The following CNTNAP5 variants were observed in gnomAD, a reference collection of about 807,000 sequenced individuals.
CNTNAP5 encodes contactin associated protein family member 5, also known as contactin-associated protein-like 5.
A neutral mutation model predicts 150.2 loss-of-function variants in CNTNAP5; 72 were observed. The ratio of observed to expected loss-of-function variants is 0.48; its 90% CI spans 0.40 to 0.58. The LOEUF is 0.58. Among genes scored for constraint, CNTNAP5 ranks in the 20% least tolerant of loss-of-function variants. The probability of loss-of-function intolerance (pLI) is 0.00; values close to 1 mark genes in which losing one functional copy is unlikely to be tolerated. For missense variants in CNTNAP5, 1,636 were observed against 1,626.2 expected, an observed-to-expected ratio of 1.01 and a Z score of -0.10; for synonymous variants, 672 against 619.8, an observed-to-expected ratio of 1.08 and a Z score of -1.25.
intron 3 of CNTNAP5, among the ~76,000 whole-genome samples, chr2:124,266,203 T>G (rs1037253572): frequency 6.6e-6 from 1 of 152,160 alleles, no homozygotes; most frequent in African/African-American, 2.4e-5. Context: ...ATTACTTTTA[T>G]CTACAGACTT....
At chr2:124,285,535 C>T (rs1469084358) in intron 3 of CNTNAP5, among the ~76,000 whole-genome samples, 1 of 151,900 alleles carries the variant, frequency 6.6e-6, no homozygotes, top group East Asian at 1.9e-4. Context: ...TGTGGTGGCT[C>T]ACGCCCGTAA....
intron 19 of CNTNAP5, among the ~76,000 whole-genome samples, chr2:124,834,491 A>G (rs1682788320): frequency 1.3e-5 from 2 of 152,134 alleles, no homozygotes; most frequent in African/African-American, 4.8e-5. Flanking sequence ...GAAGTAGTTC[A>G]TGTTTAAATA....
intron 4 of CNTNAP5, among the ~76,000 whole-genome samples, chr2:124,432,979 C>A (rs1449913618): frequency 6.6e-6 from 1 of 152,208 alleles, no homozygotes; most frequent in Non-Finnish European, 1.5e-5. Context: ...CTTTGTAAGT[C>A]TTAGCACATG....
At chr2:124,316,821 A>G (rs1342859578) in intron 3 of CNTNAP5, among the ~76,000 whole-genome samples, 1 of 149,670 alleles carries the variant, frequency 6.7e-6, no homozygotes, top group Non-Finnish European at 1.5e-5. Flanking sequence ...AAAAAAAAAA[A>G]AAAAAAAGAA....
intron 13 of CNTNAP5, among the ~76,000 whole-genome samples, chr2:124,738,294 T>C (rs1318028478): frequency 6.6e-6 from 1 of 152,168 alleles, no homozygotes. Context: ...ATCAGGGAAA[T>C]TGTGTAGTAA....
At chr2:124,430,742 G>A (rs1445496824) in intron 4 of CNTNAP5, among the ~76,000 whole-genome samples, 1 of 152,178 alleles carries the variant, frequency 6.6e-6, no homozygotes, top group Non-Finnish European at 1.5e-5. Context: ...ACGGAAAGCA[G>A]GCAATGATGA....
chr2:124,684,813 T>C (rs757778607), intron 13 of CNTNAP5, among the ~76,000 whole-genome samples: 19 of 152,148 alleles, frequency 1.2e-4, no homozygotes, highest in Admixed American at 2.0e-4. Context: ...AAGGTGGCAA[T>C]TATTATGATC....
chr2:124,221,519 T>C (rs1412492555), intron 1 of CNTNAP5, among the ~76,000 whole-genome samples, 186 bp from the exon 2 acceptor site: 6 of 152,132 alleles, frequency 3.9e-5, no homozygotes, highest in Non-Finnish European at 7.4e-5. Flanking sequence ...GAAAGAAAGC[T>C]GGACCTGTCC....
At chr2:124,260,647 C>G (rs1331512560) in intron 3 of CNTNAP5, among the ~76,000 whole-genome samples, 1 of 152,178 alleles carries the variant, frequency 6.6e-6, no homozygotes, top group Admixed American at 6.5e-5. Flanking sequence ...CCAGCATCTA[C>G]AATGAACTCA....
chr2:124,631,065 A>G (rs752511331), intron 12 of CNTNAP5, among the ~76,000 whole-genome samples: 1 of 152,198 alleles, frequency 6.6e-6, no homozygotes, highest in Non-Finnish European at 1.5e-5. Context: ...CTGATCAAGG[A>G]AATCAGACAG....
rs534981771 is a variant in CNTNAP5, at chr2:124,552,532, C to T, written c.1650-10685C>T. ...ATGTGCCTTAGGACAGCTTGACTCT[C>T]TTTTTAGAGACCATTTCCTCCATCA... On this transcript the variant is annotated intron_variant, in intron 10 of 23. Transcript: ENST00000682447. 3.3e-5 allele frequency among the ~76,000 whole-genome samples: 5 copies of T among 152,254 alleles called. No homozygotes were observed. In the South Asian group the frequency reaches 1.0e-3, roughly 32 times the overall value.
intron 13 of CNTNAP5, among the ~76,000 whole-genome samples, chr2:124,688,335 A>G (rs1023473294): frequency 6.6e-5 from 10 of 152,074 alleles, no homozygotes; most frequent in African/African-American, 2.4e-4. Context: ...TTTTCCTTGA[A>G]GATATTGGAG....
rs562767914 is a variant in CNTNAP5, at chr2:124,589,013, CT to C, written c.1757-20781del. On this transcript the variant is annotated intron_variant, in intron 11 of 23. Coordinates refer to ENST00000682447, the MANE Select transcript of CNTNAP5 (RefSeq NM_001367498.1). Reference sequence around the variant, plus strand: ...TACAACATAACATCCCATCCTTTAACTTTTTTTCAGGTTTATTGAAGCATAT... The same window carrying C: ...TACAACATAACATCCCATCCTTTAACTTTTTTCAGGTTTATTGAAGCATAT... Among the ~76,000 whole-genome samples the C allele has an allele frequency of 3.3e-5, 5 of 152,216 alleles. No individual in the cohort carries two copies. In the East Asian group the frequency reaches 7.7e-4, roughly 24 times the overall value.
chr2:124,488,620 G>T (rs1693946755), intron 7 of CNTNAP5, among the ~76,000 whole-genome samples: 2 of 152,194 alleles, frequency 1.3e-5, no homozygotes, highest in African/African-American at 4.8e-5. Flanking sequence ...TTGAATAAGT[G>T]AATGCATTTT....
At chr2:124,877,376 CA>C in intron 21 of CNTNAP5, among the ~76,000 whole-genome samples, 1 of 152,180 alleles carries the variant, frequency 6.6e-6, no homozygotes, top group East Asian at 1.9e-4. Flanking sequence ...TTTCCAAATG[CA>C]GACTGTCTTC....
At chr2:124,828,332 T>G (rs1158066205) in intron 19 of CNTNAP5, among the ~76,000 whole-genome samples, 1 of 151,824 alleles carries the variant, frequency 6.6e-6, no homozygotes, top group East Asian at 1.9e-4. Flanking sequence ...ATAAGAAAAA[T>G]TAGCCTGGCT....
intron 19 of CNTNAP5, among the ~76,000 whole-genome samples, chr2:124,844,189 A>G (rs1189332555): frequency 6.6e-6 from 1 of 152,096 alleles, no homozygotes; most frequent in Non-Finnish European, 1.5e-5. Flanking sequence ...ATTTTTGTAT[A>G]AGATGAGAGA....
At chr2:124,619,833 T>A (rs935553117) in intron 12 of CNTNAP5, among the ~76,000 whole-genome samples, 2 of 124,830 alleles carry the variant, frequency 1.6e-5, no homozygotes, top group Non-Finnish European at 3.2e-5. Context: ...CTTCTCTCAC[T>A]GTCTCATTCA....
intron 19 of CNTNAP5, among the ~76,000 whole-genome samples, chr2:124,814,742 G>T (rs1236873906): frequency 6.6e-6 from 1 of 152,058 alleles, no homozygotes; most frequent in Non-Finnish European, 1.5e-5. Flanking sequence ...AATAAAATGA[G>T]AGTAAAACTT....
Sources: gnomAD v4.1 joint callset for allele counts (sites outside exome capture counted in the v4.1 genomes callset) on GRCh38, gnomAD v4.1.1 for gene constraint, MANE v1.5 for transcripts, NCBI Gene and HGNC (gene_info 2026-07-23, HGNC 2026-07-21) for gene names.